The following GRAMD2B variants were observed in gnomAD, a reference collection of about 807,000 sequenced individuals.
GRAMD2B encodes GRAM domain-containing protein 2B.
In GRAMD2B, 41 loss-of-function variants were observed where a neutral mutation model predicts 59.2. The observed-to-expected ratio is 0.69, with a 90% CI of 0.54 to 0.90. The LOEUF (loss-of-function observed/expected upper bound fraction) is 0.90, where lower values mean the gene tolerates loss of function less well. Ranked by LOEUF, GRAMD2B falls within the 40% of genes least tolerant of loss-of-function variation. The pLI is 0.00. For synonymous variants in GRAMD2B, 161 were observed against 182.7 expected (o/e 0.88, Z 0.96); for missense variants, 424 against 500.5 (o/e 0.85, Z 1.46).
intron 5 of GRAMD2B, among the ~76,000 whole-genome samples, chr5:126,475,607 C>A (rs1214184178): frequency 6.6e-6 from 1 of 152,158 alleles, no homozygotes; most frequent in Non-Finnish European, 1.5e-5. Flanking sequence ...CAGCCTAGAT[C>A]ATTGAGGGCA....
At chr5:126,383,872 C>A (rs1755872509) in intron 1 of GRAMD2B, among the ~76,000 whole-genome samples, 1 of 152,148 alleles carries the variant, frequency 6.6e-6, no homozygotes, top group Admixed American at 6.6e-5. Context: ...GAAGTAGACA[C>A]AATACTCTTT....
chr5:126,397,234 T>C (rs1381162928), intron 1 of GRAMD2B, among the ~76,000 whole-genome samples: 1 of 152,144 alleles, frequency 6.6e-6, no homozygotes, highest in Non-Finnish European at 1.5e-5. Context: ...ATTTTATTTA[T>C]TTATTTTTGA....
At chr5:126,480,410 C>A in intron 6 of GRAMD2B, 46 bp from the exon 7 acceptor site, 2 of 1,408,418 alleles carry the variant, frequency 1.4e-6, no homozygotes, top group Non-Finnish European at 2.0e-6. Context: ...ACTCTCACTT[C>A]TCATCCGGCA....
At chr5:126,480,315 G>A (rs1223547774) in intron 6 of GRAMD2B, 141 bp from the exon 7 acceptor site, 2 of 590,488 alleles carry the variant, frequency 3.4e-6, no homozygotes, top group Non-Finnish European at 6.0e-6. Context: ...ATGTTTGAGT[G>A]AGAGGAATGA....
chr5:126,408,093 T>C (rs1371113986), intron 1 of GRAMD2B, among the ~76,000 whole-genome samples: 2 of 151,942 alleles, frequency 1.3e-5, no homozygotes, highest in Non-Finnish European at 1.5e-5. Context: ...TTTTCAACCC[T>C]TGCTCCCCTC....
intron 1 of GRAMD2B, among the ~76,000 whole-genome samples, chr5:126,372,890 A>G (rs1250755653): frequency 1.3e-5 from 2 of 152,192 alleles, no homozygotes; most frequent in Non-Finnish European, 2.9e-5. Flanking sequence ...AGCTCTAACC[A>G]GGAAAAAAAT....
At chr5:126,484,282 A>C in intron 9 of GRAMD2B, 120 bp from the exon 10 acceptor site, 3 of 1,157,392 alleles carry the variant, frequency 2.6e-6, no homozygotes, top group Non-Finnish European at 3.6e-6. Context: ...CTAACTTGTG[A>C]GACCATCCAT....
At chr5:126,400,514 G>A (rs1757734987) in intron 1 of GRAMD2B, among the ~76,000 whole-genome samples, 1 of 152,072 alleles carries the variant, frequency 6.6e-6, no homozygotes, top group South Asian at 2.1e-4. Context: ...CAAGATTAGA[G>A]TATTCTGAAT....
intron 1 of GRAMD2B, among the ~76,000 whole-genome samples, chr5:126,400,364 TTTATG>T (rs1364721699): frequency 6.6e-6 from 1 of 152,146 alleles, no homozygotes; most frequent in Admixed American, 6.6e-5. Flanking sequence ...ACACATACAG[TTTATG>T]TTATTAATGT....
intron 6 of GRAMD2B, 80 bp from the exon 7 acceptor site, chr5:126,480,376 T>A (rs1771490427): frequency 1.0e-6 from 1 of 974,646 alleles, no homozygotes; most frequent in Admixed American, 1.9e-5. Flanking sequence ...AAAAGCTGTA[T>A]ACAGATACTT....
chr5:126,371,456 G>C (rs1009484242), exon 1 of GRAMD2B: 37 of 1,288,496 alleles, frequency 2.9e-5, no homozygotes, highest in Non-Finnish European at 3.6e-5. Context: ...GTGAAGAAAA[G>C]GCTGCCTTCT....
At chr5:126,392,861 G>A (rs1481977084) in intron 1 of GRAMD2B, among the ~76,000 whole-genome samples, 1 of 152,136 alleles carries the variant, frequency 6.6e-6, no homozygotes, top group African/African-American at 2.4e-5. Flanking sequence ...GTGCTCCTAT[G>A]AGAATCTAAT....
intron 6 of GRAMD2B, among the ~76,000 whole-genome samples, chr5:126,477,993 T>C (rs1031137211): frequency 6.6e-6 from 1 of 152,220 alleles, no homozygotes; most frequent in Non-Finnish European, 1.5e-5. Flanking sequence ...AAGTGATTTA[T>C]TCTCATAGAA....
At chr5:126,373,401 A>G (rs1042549422) in intron 1 of GRAMD2B, among the ~76,000 whole-genome samples, 10 of 152,238 alleles carry the variant, frequency 6.6e-5, no homozygotes, top group African/African-American at 2.4e-4. Flanking sequence ...CTTTCAGTGA[A>G]CTAGAGCTAA....
chr5:126,365,505 G>A (rs1030177), intron 1 of GRAMD2B, among the ~76,000 whole-genome samples: 142,919 of 152,302 alleles, frequency 0.94, 67,211 homozygotes, highest in East Asian at 1. Context: ...GGTCAAATGT[G>A]TATGTTTTAT....
chr5:126,466,484 G>A, intron 2 of GRAMD2B: 1 of 633,600 alleles, frequency 1.6e-6, no homozygotes, highest in Non-Finnish European at 2.8e-6. Flanking sequence ...GGAGTGCAGT[G>A]GCACATTCTC....
chr5:126,489,251 GA>G (rs1773509946), intron 13 of GRAMD2B, among the ~76,000 whole-genome samples: 1 of 152,192 alleles, frequency 6.6e-6, no homozygotes, highest in Admixed American at 6.5e-5. Context: ...GGCTTGGCCA[GA>G]AAGTACAGCC....
chr5:126,379,894 A>G (rs1483779326), intron 1 of GRAMD2B, among the ~76,000 whole-genome samples: 1 of 152,144 alleles, frequency 6.6e-6, no homozygotes, highest in Non-Finnish European at 1.5e-5. Context: ...TTTGCTTTTC[A>G]GAAGCTTTTT....
intron 1 of GRAMD2B, among the ~76,000 whole-genome samples, chr5:126,440,361 A>G (rs571304185): frequency 2.0e-5 from 3 of 152,354 alleles, no homozygotes; most frequent in African/African-American, 7.2e-5. Context: ...ATGATTCTAA[A>G]CTTATTCTGA....
Sources: gnomAD v4.1 joint callset for allele counts (sites outside exome capture counted in the v4.1 genomes callset) on GRCh38, gnomAD v4.1.1 for gene constraint, MANE v1.5 for transcripts, NCBI Gene and HGNC (gene_info 2026-07-23, HGNC 2026-07-21) for gene names.